FGFR1: variants seen among roughly 807,000 people sequenced by gnomAD.
FGFR1 encodes fibroblast growth factor receptor 1.
FGFR1 carries 18 observed loss-of-function variants against 93.7 expected under a neutral mutation model. The observed-to-expected ratio is 0.19, with a 90% CI of 0.13 to 0.28. FGFR1 has a LOEUF of 0.28. FGFR1 is among the 10% of genes least tolerant of loss of function. FGFR1 has a pLI of 1.00. For missense variants in FGFR1, 731 were observed against 1,080.4 expected (o/e 0.68, Z 4.53); for synonymous variants, 448 against 429.3 (o/e 1.04, Z -0.54).
intron 7 of FGFR1, chr8:38,423,866 T>G: frequency 5.7e-6 from 1 of 175,678 alleles, no homozygotes; most frequent in Non-Finnish European, 1.2e-5. Context: ...GAGGATGAGG[T>G]CTAACTCTGG....
intron 2 of FGFR1, among the ~76,000 whole-genome samples, chr8:38,456,223 C>T (rs952743508): frequency 3.9e-5 from 6 of 152,162 alleles, no homozygotes; most frequent in Non-Finnish European, 8.8e-5. Context: ...TCTGTGTGAC[C>T]AGCCACTGAG....
rs767977802 is a variant in FGFR1 at position 38,424,568 on chromosome 8, T to C, written c.877A>G (p.Ile293Val). Residue 293 changes from isoleucine to valine, a missense_variant, in exon 7 of 18, where the codon ATC (isoleucine) becomes GTC (valine). By Grantham distance (29) the Ile-to-Val change is conservative. Around this residue, in one of 10 missense-constraint regions of FGFR1, gnomAD observed 109 missense variants for 249.4 expected, o/e 0.44. Coordinates refer to ENST00000447712, the MANE Select transcript of FGFR1 (RefSeq NM_023110.3). This position sits in a 1 kb window ranked among gnomAD's most constrained non-coding sequence, Gnocchi z 4.3. ...PQPHIQWLKHIEVNGSKIGPD... is the reference protein window; with the variant it reads ...PQPHIQWLKHVEVNGSKIGPD... ...CCAATCTTGCTCCCATTCACCTCGA[T>C]GTGCTTTAGCCACTGGATGTGCGGC... is the stretch of plus-strand genomic sequence containing the variant. 9 of 1,614,258 alleles carry C rather than the reference T, an allele frequency of 5.6e-6. No homozygotes were observed. The highest frequency in any genetic ancestry group is 6.8e-6 in the Non-Finnish European group (8 of 1,180,052).
intron 2 of FGFR1, among the ~76,000 whole-genome samples, chr8:38,439,356 G>A (rs981663286): frequency 3.3e-5 from 5 of 152,138 alleles, no homozygotes; most frequent in African/African-American, 9.7e-5. Flanking sequence ...CCTGTCCTCA[G>A]CTCAATCCCC....
At chr8:38,455,946 C>A (rs954350722) in intron 2 of FGFR1, among the ~76,000 whole-genome samples, 10 of 152,220 alleles carry the variant, frequency 6.6e-5, no homozygotes, top group African/African-American at 2.2e-4. Flanking sequence ...GTCTCTCCCA[C>A]TTTGGGTCCC....
At chr8:38,430,023 G>C in intron 2 of FGFR1, 75 bp from the exon 3 acceptor site, 519 of 1,389,074 alleles carry the variant, frequency 3.7e-4, no homozygotes, top group Non-Finnish European at 4.7e-4. Flanking sequence ...GGAGGGGAGA[G>C]ACAAAGGGAA....
rs548475685 is a variant in FGFR1 at position 38,451,906 on chromosome 8, A to T, written c.91+5450T>A. ...AGACAAATGCACCCTCTGCAAGCTC[A>T]GAATGTTGGGGCTTATCATCTGAAA... On this transcript the variant is annotated intron_variant, in intron 2 of 17. Coordinates refer to ENST00000447712, the MANE Select transcript of FGFR1 (RefSeq NM_023110.3). 1.4e-4 allele frequency among the ~76,000 whole-genome samples: 22 copies of T among 152,186 alleles called. No homozygotes were observed. In the South Asian group the frequency reaches 1.9e-3, roughly 13 times the overall value.
chr8:38,461,182 A>C, intron 1 of FGFR1: 2 of 1,514,096 alleles, frequency 1.3e-6, no homozygotes, highest in Non-Finnish European at 1.8e-6. Context: ...TACTGATCCA[A>C]CATACAGGGT....
At chr8:38,440,422 T>C in intron 2 of FGFR1, 1 of 1,467,954 alleles carries the variant, frequency 6.8e-7, no homozygotes, top group Non-Finnish European at 9.2e-7. Flanking sequence ...TTCTCTCAAC[T>C]CTCGGAGTCC....
chr8:38,429,892 G>T lies in FGFR1; in HGVS notation c.148C>A (p.Leu50Met), dbSNP rs1822318253. The T allele has an allele frequency of 6.2e-7, 1 of 1,613,926 alleles. No individual in the cohort carries two copies. The highest frequency in any genetic ancestry group is 8.5e-7 in the Non-Finnish European group (1 of 1,179,990). The change falls in exon 3 of 18, where the codon CTG becomes ATG. Residue 50 changes from leucine to methionine, a missense_variant. By Grantham distance (15) the Leu-to-Met change is conservative. Coordinates refer to ENST00000447712, the MANE Select transcript of FGFR1 (RefSeq NM_023110.3). This position sits in a 1 kb window ranked among gnomAD's most constrained non-coding sequence, Gnocchi z 4.4. ...CGCAGCCGACAGCGAAGCTGCAGCAGGTCACCGGGGTGGACCAGGAAGGAC... is the reference window on the plus strand; with the variant it reads ...CGCAGCCGACAGCGAAGCTGCAGCATGTCACCGGGGTGGACCAGGAAGGAC... Reference protein sequence around the residue: ...VESFLVHPGDLLQLRCRLRDD... With the variant: ...VESFLVHPGDMLQLRCRLRDD...
Position 38,432,915 on chromosome 8 carries a change from C to CT in FGFR1, c.92-2968_92-2967insA, listed in dbSNP as rs1238861395. Among the ~76,000 whole-genome samples, 13 of 140,680 alleles carry CT rather than the reference C, an allele frequency of 9.2e-5. 1 individual carries two copies. The highest frequency in any genetic ancestry group is 1.4e-4 in the Non-Finnish European group (9 of 62,866). The allele number at this position is 140,680 out of a possible 152,430, so 92.3% of individuals were successfully genotyped here. On this transcript the variant is annotated intron_variant, in intron 2 of 17. Coordinates refer to ENST00000447712, the MANE Select transcript of FGFR1 (RefSeq NM_023110.3). ...GCTGTCCCTCCCCACCGCGCCCCCC[C>CT]CCCTCCCCAGTTGGGATGCTTTCAG...
At chr8:38,438,089 A>C (rs1351975136) in intron 2 of FGFR1, among the ~76,000 whole-genome samples, 1 of 152,208 alleles carries the variant, frequency 6.6e-6, no homozygotes, top group East Asian at 1.9e-4. Context: ...AGGCTGCACA[A>C]AGCTTTTAAC....
chr8:38,438,908 T>C (rs1026198315), intron 2 of FGFR1, among the ~76,000 whole-genome samples: 1 of 152,152 alleles, frequency 6.6e-6, no homozygotes, highest in Non-Finnish European at 1.5e-5. Flanking sequence ...CCATAGCTCA[T>C]ATCAATCATT....
chr8:38,419,621 A>C lies in FGFR1; in HGVS notation c.1196T>G (p.Met399Arg). ...GTCACTCTTCTTGGTACCACTCTTC[A>C]TCTTGTAGACGATGACCGACCCCAC... Reference protein sequence around the residue: ...CMVGSVIVYKMKSGTKKSDFH... With the variant: ...CMVGSVIVYKRKSGTKKSDFH... Residue 399 changes from methionine (M) to arginine (R), a missense_variant, in exon 9 of 18, where the codon ATG becomes AGG. Met to Arg is a moderately conservative substitution (Grantham distance 91). This residue lies in a region of FGFR1 where 146 missense variants were observed against 173.0 expected (regional missense o/e 0.84). Transcript: ENST00000447712. 1 of 1,614,030 alleles carries C rather than the reference A, an allele frequency of 6.2e-7. No individual in the cohort carries two copies. The highest frequency in any genetic ancestry group is 8.5e-7 in the Non-Finnish European group (1 of 1,179,972).
intron 1 of FGFR1, among the ~76,000 whole-genome samples, chr8:38,458,208 G>A (rs535298014): frequency 6.6e-6 from 1 of 152,246 alleles, no homozygotes; most frequent in South Asian, 2.1e-4. Flanking sequence ...TACAATTGCA[G>A]GAGGTTTGAG....
intron 2 of FGFR1, among the ~76,000 whole-genome samples, chr8:38,449,727 C>T (rs1305308791): frequency 1.3e-5 from 2 of 152,196 alleles, no homozygotes; most frequent in African/African-American, 2.4e-5. Flanking sequence ...GAGGAGAGGG[C>T]GTGGAGTTTC....
In FGFR1 at chr8:38,413,797, A is replaced by T. The variant is rs149979921; in HGVS notation, c.2300T>A (p.Leu767Gln). Reference sequence around the variant, plus strand: ...CTGGTCCAGGGGCATGGACAGGTCCAGGTACTCCTGTGATGGGCGAGAGGA... The same window carrying T: ...CTGGTCCAGGGGCATGGACAGGTCCTGGTACTCCTGTGATGGGCGAGAGGA... ...IVALTSNQEYLDLSMPLDQYS... is the reference protein window; with the variant it reads ...IVALTSNQEYQDLSMPLDQYS... The change falls in exon 18 of 18, where the codon CTG becomes CAG. Residue 767 changes from leucine to glutamine, a missense_variant. This residue lies in a region of FGFR1 where 79 missense variants were observed against 97.2 expected (regional missense o/e 0.81). Coordinates refer to ENST00000447712, the MANE Select transcript of FGFR1 (RefSeq NM_023110.3). This position sits in a 1 kb window ranked among gnomAD's most constrained non-coding sequence, Gnocchi z 4.2. The T allele has an allele frequency of 6.2e-7, 1 of 1,614,076 alleles. No homozygotes were observed. The highest frequency in any genetic ancestry group is 8.5e-7 in the Non-Finnish European group (1 of 1,179,970).
chr8:38,450,926 T>C (rs1830863704), intron 2 of FGFR1, among the ~76,000 whole-genome samples: 1 of 152,072 alleles, frequency 6.6e-6, no homozygotes, highest in Non-Finnish European at 1.5e-5. Context: ...GTCCTCACAT[T>C]CTCTCACAGG....
chr8:38,433,927 T>A (rs1304810193), intron 2 of FGFR1, among the ~76,000 whole-genome samples: 1 of 152,202 alleles, frequency 6.6e-6, no homozygotes, highest in African/African-American at 2.4e-5. Context: ...CACTCCTCCA[T>A]CCCCTATCCC....
At chr8:38,431,652 TG>T (rs887283833) in intron 2 of FGFR1, among the ~76,000 whole-genome samples, 12 of 152,002 alleles carry the variant, frequency 7.9e-5, no homozygotes, top group African/African-American at 2.9e-4. Context: ...TGGTTTCTCT[TG>T]GGGGGGCCAA....
Sources: allele counts gnomAD v4.1 joint callset (sites outside exome capture counted in the v4.1 genomes callset), GRCh38; gene constraint gnomAD v4.1.1; regional missense constraint gnomAD v4.1.1; non-coding constraint Gnocchi (gnomAD v3.1); transcripts MANE v1.5; gene names NCBI Gene and HGNC (gene_info 2026-07-23, HGNC 2026-07-21).